Variants in HADH observed in about 807,000 individuals in gnomAD.
HADH encodes hydroxyacyl-coenzyme A dehydrogenase, mitochondrial.
HADH carries 24 observed loss-of-function variants against 32.2 expected under a neutral mutation model. That is an observed-to-expected ratio of 0.75 (90% CI 0.54 to 1.05). The LOEUF is 1.05. Ranked by LOEUF, HADH falls within the 50% of genes least tolerant of loss-of-function variation. The probability of loss-of-function intolerance (pLI) is 0.00; values close to 1 mark genes in which losing one functional copy is unlikely to be tolerated. For synonymous variants in HADH, 139 were observed against 152.5 expected (o/e 0.91, Z 0.65); for missense variants, 350 against 397.1 (o/e 0.88, Z 1.01).
intron 1 of HADH, among the ~76,000 whole-genome samples, chr4:108,001,804 T>G (rs1205592659): frequency 1.3e-5 from 2 of 152,230 alleles, no homozygotes; most frequent in Non-Finnish European, 2.9e-5. Context: ...ATTTAAAACA[T>G]GCATCATTTA....
chr4:108,027,909 G>C, intron 6 of HADH, 149 bp downstream of exon 6: 2 of 682,298 alleles, frequency 2.9e-6, no homozygotes, highest in Non-Finnish European at 2.7e-6. Context: ...TGCACCCTGA[G>C]CCCTGGTACC....
chr4:107,993,328 G>A (rs1734867516), intron 1 of HADH, among the ~76,000 whole-genome samples: 1 of 152,000 alleles, frequency 6.6e-6, no homozygotes, highest in South Asian at 2.1e-4. Flanking sequence ...GTTTTTTCAG[G>A]GACCTCTGAA....
intron 1 of HADH, among the ~76,000 whole-genome samples, chr4:107,999,601 G>A (rs1560723069): frequency 1.3e-5 from 2 of 152,144 alleles, no homozygotes; most frequent in Admixed American, 1.3e-4. Flanking sequence ...GACTTCTTGA[G>A]AACTTATTTC....
intron 1 of HADH, among the ~76,000 whole-genome samples, chr4:108,003,207 T>A (rs1735173988): frequency 6.6e-6 from 1 of 151,096 alleles, no homozygotes; most frequent in African/African-American, 2.4e-5. Flanking sequence ...GGCTGGGAAG[T>A]CCAAGATCAA....
intron 1 of HADH, among the ~76,000 whole-genome samples, chr4:107,992,626 G>A (rs1173922635): frequency 1.3e-5 from 2 of 152,092 alleles, no homozygotes; most frequent in Non-Finnish European, 2.9e-5. Flanking sequence ...TATTAACATG[G>A]GACTTTACCT....
chr4:108,016,150 T>G (rs1441489684), intron 3 of HADH, among the ~76,000 whole-genome samples: 1 of 152,160 alleles, frequency 6.6e-6, no homozygotes, highest in Non-Finnish European at 1.5e-5. Flanking sequence ...ATCCAGAGCC[T>G]TCGAGTGTGT....
chr4:107,990,699 T>C (rs954225706), intron 1 of HADH, among the ~76,000 whole-genome samples: 2 of 151,816 alleles, frequency 1.3e-5, no homozygotes, highest in Non-Finnish European at 2.9e-5. Context: ...CTGTGCAGAG[T>C]TCTGAGCTTG....
chr4:108,027,772 A>G lies in HADH; in HGVS notation c.709+12A>G. 6.5e-7 allele frequency: 1 copy of G among 1,548,856 alleles called. No homozygotes were observed. Among genetic ancestry groups the G allele is most frequent in the Non-Finnish European group, 8.9e-7 (1 of 1,120,592 alleles). On this transcript the variant is annotated intron_variant, in intron 6 of 7. Coordinates refer to ENST00000309522, the MANE Select transcript of HADH (RefSeq NM_005327.7). ...GCTGTATGAACGAGGTATCCTTCTG[A>G]CCCAGGCCAGGAGCAGCAGACCTCA...
chr4:107,994,818 CTATTAGCA>C (rs1476245496), intron 1 of HADH, among the ~76,000 whole-genome samples: 6 of 152,188 alleles, frequency 3.9e-5, no homozygotes, highest in Non-Finnish European at 5.9e-5. Context: ...GAACCACCCT[CTATTAGCA>C]TATTAGTTAT....
chr4:108,027,485 G>T (rs1736106015), intron 5 of HADH: 4 of 634,300 alleles, frequency 6.3e-6, no homozygotes, highest in Non-Finnish European at 1.1e-5. Flanking sequence ...ATCTGGGTTT[G>T]AATGTTTTTT....
rs143172932 is a variant in HADH at position 107,998,996 on chromosome 4, T to C, written c.132+8932T>C. Among the ~76,000 whole-genome samples, 783 of 152,362 alleles carry C rather than the reference T, an allele frequency of 5.1e-3. 6 individuals are homozygous for C. The highest frequency in any genetic ancestry group is 0.018 in the African/African-American group (741 of 41,580). The stretch of plus-strand genomic sequence containing the variant: ...TCCTCTCAAAATTGATGATCCTGAT[T>C]ATCTGTAGCTAATAAGCCTGAACAA... On this transcript the variant is annotated intron_variant, in intron 1 of 7. Transcript: ENST00000309522.
intron 1 of HADH, among the ~76,000 whole-genome samples, chr4:108,006,584 C>T (rs2267842): frequency 0.63 from 95,906 of 151,986 alleles, 30,715 homozygotes; most frequent in Middle Eastern, 0.79. Context: ...TGCTAAACCA[C>T]AGCTCACTGA....
chr4:108,019,803 CAT>C, intron 4 of HADH, 137 bp downstream of exon 4: 1 of 939,314 alleles, frequency 1.1e-6, no homozygotes, highest in East Asian at 2.4e-5. Flanking sequence ...CCCTGAGCCT[CAT>C]ATCTAGGAGG....
chr4:108,028,094 T>C (rs538551977), intron 6 of HADH: 66 of 379,204 alleles, frequency 1.7e-4, no homozygotes, highest in African/African-American at 1.2e-3. Flanking sequence ...AAAATAATCA[T>C]AATGTAAAAA....
chr4:108,032,959 G>A lies in HADH; in HGVS notation c.710-217G>A. ...ATTGTGCCATTGCACTTCAGCTTGG[G>A]TGACAGAGCAAGACTCTGTCTCAAA... On this transcript the variant is annotated intron_variant, in intron 6 of 7. Coordinates refer to ENST00000309522, the MANE Select transcript of HADH (RefSeq NM_005327.7). The A allele has an allele frequency of 9.3e-6, 5 of 538,198 alleles. No individual in the cohort carries two copies. The South Asian group carries it at 1.0e-4, about 11-fold the overall frequency. The allele number at this position is 538,198 out of a possible 1,614,324, so 33.3% of individuals were successfully genotyped here. A position where few individuals can be genotyped will look rare whatever the true frequency, so the allele number is the denominator to read the frequency against.
In HADH at chr4:108,022,167, ATG is replaced by A. The variant is rs60633286; in HGVS notation, c.547-1287_547-1286del. 2.8e-3 allele frequency among the ~76,000 whole-genome samples: 351 copies of A among 125,032 alleles called. 3 individuals carry two copies. The highest frequency in any genetic ancestry group is 9.4e-3 in the African/African-American group (330 of 35,168). The allele number at this position is 125,032 out of a possible 152,430, so 82.0% of individuals were successfully genotyped here. A position where few individuals can be genotyped will look rare whatever the true frequency, so the allele number is the denominator to read the frequency against. On this transcript the variant is annotated intron_variant, in intron 4 of 7. Transcript: ENST00000309522. ...TGGCCTTTACATTTTACATATATAT[ATG>A]TGTGTGTGTGTGTGTGTGTATGTGT... is the stretch of plus-strand genomic sequence containing the variant.
At chr4:108,004,815 G>T in intron 1 of HADH, 1 of 1,535,876 alleles carries the variant, frequency 6.5e-7, no homozygotes, top group Non-Finnish European at 8.7e-7. Flanking sequence ...TTCAAGACCT[G>T]GGTGTCTGCT....
intron 1 of HADH, among the ~76,000 whole-genome samples, chr4:107,993,054 T>G: frequency 6.6e-6 from 1 of 152,184 alleles, no homozygotes; most frequent in Admixed American, 6.5e-5. Flanking sequence ...AGGTGGAGGT[T>G]GCAGTGAGCC....
rs544438231 is a variant in HADH at position 107,994,371 on chromosome 4, G to A, written c.132+4307G>A. Among the ~76,000 whole-genome samples, 13 of 152,292 alleles carry A rather than the reference G, an allele frequency of 8.5e-5. 1 individual carries two copies. In the South Asian group the frequency reaches 2.7e-3, roughly 32 times the overall value. ...GATTTTGTGTGACTCTACCATGCTT[G>A]ATAAGGATTCAGGTAGACCTGAAAG... On this transcript the variant is annotated intron_variant, in intron 1 of 7. Coordinates refer to ENST00000309522, the MANE Select transcript of HADH (RefSeq NM_005327.7).
Sources: allele counts gnomAD v4.1 joint callset (sites outside exome capture counted in the v4.1 genomes callset), GRCh38; gene constraint gnomAD v4.1.1; transcripts MANE v1.5; gene names NCBI Gene and HGNC (gene_info 2026-07-23, HGNC 2026-07-21).